The following CFAP299 variants were observed in gnomAD, a reference collection of about 807,000 sequenced individuals.
CFAP299 encodes the protein cilia and flagella associated protein 299, also known as cilia- and flagella-associated protein 299.
A neutral mutation model predicts 27.0 loss-of-function variants in CFAP299; 21 were observed. The observed-to-expected ratio is 0.78, with a 90% confidence interval of 0.55 to 1.12. The LOEUF (loss-of-function observed/expected upper bound fraction) is 1.12. Among genes scored for constraint, CFAP299 ranks in the 50% most tolerant of loss-of-function variants. The probability of loss-of-function intolerance (pLI) is 0.00; values close to 1 mark genes in which losing one functional copy is unlikely to be tolerated. For missense variants in CFAP299, 310 were observed against 276.6 expected, an observed-to-expected ratio of 1.12 and a Z score of -0.86; for synonymous variants, 104 against 98.1, an observed-to-expected ratio of 1.06 and a Z score of -0.36.
chr4:80,619,944 T>C lies in CFAP299; in HGVS notation c.333+36761T>C, dbSNP rs184891735. 3.0e-3 allele frequency among the ~76,000 whole-genome samples: 458 copies of C among 152,214 alleles called. 2 individuals carry two copies. The highest frequency in any genetic ancestry group is 4.8e-3 in the Non-Finnish European group (327 of 67,978). ...TCTTCAAAATTATCATTTTCCAATT[T>C]CTATAGAAACATATTGTTATATTAA... On this transcript the variant is annotated intron_variant, in intron 3 of 5. Coordinates refer to ENST00000358105, the MANE Select transcript of CFAP299 (RefSeq NM_152770.3).
chr4:80,572,234 T>C (rs998793022), intron 2 of CFAP299, among the ~76,000 whole-genome samples: 5 of 152,086 alleles, frequency 3.3e-5, no homozygotes, highest in Non-Finnish European at 5.9e-5. Context: ...TACTGTTGAC[T>C]GTAGTCACCC....
chr4:80,387,154 G>T, intron 2 of CFAP299: 1 of 1,368,130 alleles, frequency 7.3e-7, no homozygotes, highest in Non-Finnish European at 1.0e-6. Context: ...AGACGGCACT[G>T]CCCTTCTTGG....
chr4:80,581,883 C>G (rs1227514529), intron 2 of CFAP299, among the ~76,000 whole-genome samples: 1 of 151,848 alleles, frequency 6.6e-6, no homozygotes, highest in Non-Finnish European at 1.5e-5. Context: ...TCAACGCTTT[C>G]TGGTAGCATG....
chr4:80,746,578 G>T (rs556132771), intron 3 of CFAP299, among the ~76,000 whole-genome samples: 2 of 151,988 alleles, frequency 1.3e-5, no homozygotes, highest in Non-Finnish European at 2.9e-5. Flanking sequence ...AGATTTAAAG[G>T]TTGGTATGAA....
At chr4:80,423,870 C>A (rs1418243216) in intron 2 of CFAP299, among the ~76,000 whole-genome samples, 1 of 152,192 alleles carries the variant, frequency 6.6e-6, no homozygotes, top group Non-Finnish European at 1.5e-5. Flanking sequence ...GGCCTATGAG[C>A]TGTCTGTGTT....
chr4:80,363,042 C>G (rs1723633889), intron 2 of CFAP299, among the ~76,000 whole-genome samples, 158 bp downstream of exon 2: 1 of 152,180 alleles, frequency 6.6e-6, no homozygotes, highest in Non-Finnish European at 1.5e-5. Flanking sequence ...ACTGAAGCAA[C>G]TGTAATATGC....
intron 2 of CFAP299, among the ~76,000 whole-genome samples, chr4:80,497,396 A>C (rs926150604): frequency 5.9e-5 from 9 of 152,238 alleles, no homozygotes; most frequent in South Asian, 2.1e-4. Context: ...AAACACTGCC[A>C]ATAAAATTAA....
chr4:80,656,646 T>C (rs1315459459), intron 3 of CFAP299, among the ~76,000 whole-genome samples: 1 of 152,208 alleles, frequency 6.6e-6, no homozygotes, highest in Non-Finnish European at 1.5e-5. Flanking sequence ...TTGGGATGGT[T>C]CCAAGTCTTT....
chr4:80,440,100 G>A (rs991133524), intron 2 of CFAP299, among the ~76,000 whole-genome samples: 1 of 152,188 alleles, frequency 6.6e-6, no homozygotes, highest in Non-Finnish European at 1.5e-5. Flanking sequence ...AGAGCACCTG[G>A]GAGAAGGGGA....
At chr4:80,618,001 G>T (rs1414492172) in intron 3 of CFAP299, among the ~76,000 whole-genome samples, 4 of 152,062 alleles carry the variant, frequency 2.6e-5, no homozygotes, top group African/African-American at 7.2e-5. Flanking sequence ...AGAAGGAAAA[G>T]AAACTAACCA....
intron 4 of CFAP299, among the ~76,000 whole-genome samples, chr4:80,933,285 C>T (rs1464831336): frequency 6.6e-6 from 1 of 152,024 alleles, no homozygotes; most frequent in East Asian, 1.9e-4. Context: ...ATCCCTTTGA[C>T]CAACATCTCC....
chr4:80,915,001 TATCTC>T (rs777043087), intron 4 of CFAP299, among the ~76,000 whole-genome samples: 52 of 152,164 alleles, frequency 3.4e-4, no homozygotes, highest in Middle Eastern at 3.4e-3. Context: ...ATTTTTTTCT[TATCTC>T]AGATTATTGA....
intron 3 of CFAP299, among the ~76,000 whole-genome samples, chr4:80,652,044 T>C (rs1317411699): frequency 6.6e-6 from 1 of 152,126 alleles, no homozygotes; most frequent in Non-Finnish European, 1.5e-5. Context: ...AAGAAACAAT[T>C]CTCAGGAAGA....
Position 80,902,057 on chromosome 4 carries a change from A to G in CFAP299, c.476+31922A>G, listed in dbSNP as rs529554140. ...TCAGCCTTCAAGAGTGGCACTTTCA[A>G]ATAACAAAACTGTGATATTTTCCAG... On this transcript the variant is annotated intron_variant, in intron 4 of 5. Transcript: ENST00000358105. 3.9e-5 allele frequency among the ~76,000 whole-genome samples: 6 copies of G among 152,110 alleles called. No homozygotes were observed. The South Asian group carries it at 1.0e-3, about 26-fold the overall frequency.
intron 3 of CFAP299, among the ~76,000 whole-genome samples, chr4:80,606,308 G>A (rs935808857): frequency 1.3e-5 from 2 of 152,130 alleles, no homozygotes; most frequent in Admixed American, 1.3e-4. Context: ...AGGCCAAGGC[G>A]GGTGGATCAC....
At position 80,521,541 on chromosome 4, in the gene CFAP299, G is replaced by A. The variant is rs144133609; in HGVS notation, c.243-61552G>A. 6.9e-3 allele frequency among the ~76,000 whole-genome samples: 1,046 copies of A among 152,170 alleles called. 12 individuals carry two copies. The highest frequency in any genetic ancestry group is 0.017 in the Middle Eastern group (5 of 294). On this transcript the variant is annotated intron_variant, in intron 2 of 5. Transcript: ENST00000358105. ...GCACAATATTGTTAACTACATGTAT[G>A]TTGTTGTACAGCAGATCCTAAAACT...
chr4:80,804,922 T>A (rs1728788113), intron 3 of CFAP299, among the ~76,000 whole-genome samples: 1 of 152,134 alleles, frequency 6.6e-6, no homozygotes, highest in Non-Finnish European at 1.5e-5. Context: ...GTGTTTTGTA[T>A]GCCTTATAGC....
intron 3 of CFAP299, among the ~76,000 whole-genome samples, chr4:80,752,507 T>C (rs1266458272): frequency 6.7e-6 from 1 of 149,226 alleles, no homozygotes; most frequent in Non-Finnish European, 1.5e-5. Flanking sequence ...TTTTTCTTCC[T>C]TTTCCTTTTA....
chr4:80,657,696 G>T (rs926294357), intron 3 of CFAP299, among the ~76,000 whole-genome samples: 2 of 152,084 alleles, frequency 1.3e-5, no homozygotes, highest in African/African-American at 4.8e-5. Context: ...GCTTAGGATT[G>T]TCTTTGCTAG....
Sources: gnomAD v4.1 joint callset for allele counts (sites outside exome capture counted in the v4.1 genomes callset) on GRCh38, gnomAD v4.1.1 for gene constraint, MANE v1.5 for transcripts, NCBI Gene and HGNC (gene_info 2026-07-23, HGNC 2026-07-21) for gene names.